Variants in RUNDC3B observed in about 807,000 individuals in gnomAD.
RUNDC3B encodes RUN domain-containing protein 3B.
Under a neutral mutation model 58.4 loss-of-function variants are expected in RUNDC3B, and 33 were observed. The ratio of observed to expected loss-of-function variants is 0.56; its 90% CI spans 0.43 to 0.75. The LOEUF is 0.75. Ranked by LOEUF, RUNDC3B falls within the 30% of genes least tolerant of loss-of-function variation. The pLI, the probability that RUNDC3B is intolerant of heterozygous loss-of-function variation, is 0.00. For synonymous variants in RUNDC3B, 193 were observed against 195.2 expected (o/e 0.99, Z 0.10); for missense variants, 501 against 535.7 (o/e 0.94, Z 0.64).
intron 2 of RUNDC3B, among the ~76,000 whole-genome samples, chr7:87,655,818 G>C (rs73705295): frequency 0.013 from 2,021 of 152,204 alleles, 50 homozygotes; most frequent in African/African-American, 0.046. Context: ...GGGAAGTGGG[G>C]CTTTTTGGGA....
rs778997280 is a variant in RUNDC3B at position 87,816,220 on chromosome 7, G to A, written c.1183G>A (p.Glu395Lys). 1 of 1,611,812 alleles carries A rather than the reference G, an allele frequency of 6.2e-7. No homozygotes were observed. Among genetic ancestry groups the A allele is most frequent in the Non-Finnish European group, 8.5e-7 (1 of 1,178,200 alleles). ...TTCACTAGATCCAGGCCAGTCACAA[G>A]AAGGAGATGGAAAACAAGACACATT... ...QTSLDPGQSQ[E>K]GDGKQDTLNV... The change falls in exon 10 of 11, where the codon GAA (glutamate) becomes AAA (lysine). Residue 395 changes from glutamate (E) to lysine (K), a missense_variant. By Grantham distance (56) the Glu-to-Lys change is moderately conservative. Transcript: ENST00000394654.
intron 7 of RUNDC3B, among the ~76,000 whole-genome samples, chr7:87,775,402 A>C (rs1178650894): frequency 6.6e-6 from 1 of 152,270 alleles, no homozygotes; most frequent in Admixed American, 6.5e-5. Flanking sequence ...GTATGTTTTA[A>C]ACTGTTATTA....
chr7:87,752,066 TGA>T (rs1405799887), intron 6 of RUNDC3B, among the ~76,000 whole-genome samples: 2 of 152,242 alleles, frequency 1.3e-5, no homozygotes, highest in Non-Finnish European at 2.9e-5. Flanking sequence ...CCTAATTTAT[TGA>T]GAGTTTTTAG....
At chr7:87,792,075 T>C (rs1179514919) in intron 8 of RUNDC3B, among the ~76,000 whole-genome samples, 1 of 152,118 alleles carries the variant, frequency 6.6e-6, no homozygotes. Context: ...GCTATACTTA[T>C]ATCAGACAAA....
At chr7:87,710,867 G>T (rs1242885256) in intron 4 of RUNDC3B, among the ~76,000 whole-genome samples, 1 of 151,940 alleles carries the variant, frequency 6.6e-6, no homozygotes, top group Non-Finnish European at 1.5e-5. Context: ...TACACATTAC[G>T]CCTGGAATAT....
intron 8 of RUNDC3B, among the ~76,000 whole-genome samples, chr7:87,796,685 G>C (rs946769160): frequency 2.6e-5 from 4 of 152,176 alleles, no homozygotes; most frequent in African/African-American, 9.6e-5. Context: ...TGTCAACCAT[G>C]TTTCATATAG....
At chr7:87,672,305 C>G (rs1825902006) in intron 2 of RUNDC3B, among the ~76,000 whole-genome samples, 1 of 152,206 alleles carries the variant, frequency 6.6e-6, no homozygotes, top group Non-Finnish European at 1.5e-5. Context: ...GGGATCCTTT[C>G]CACCTCTGGT....
chr7:87,743,234 G>T (rs1302343081), intron 6 of RUNDC3B, among the ~76,000 whole-genome samples: 1 of 152,156 alleles, frequency 6.6e-6, no homozygotes, highest in Non-Finnish European at 1.5e-5. Flanking sequence ...CATTTGGGTT[G>T]GTTCCACGAT....
intron 4 of RUNDC3B, among the ~76,000 whole-genome samples, chr7:87,729,915 C>T (rs1831478134): frequency 2.0e-5 from 3 of 152,156 alleles, no homozygotes; most frequent in Admixed American, 2.0e-4. Flanking sequence ...GTATCAGGAA[C>T]AGTCTTTGAG....
At chr7:87,639,195 A>G (rs971086694) in intron 1 of RUNDC3B, among the ~76,000 whole-genome samples, 2 of 151,972 alleles carry the variant, frequency 1.3e-5, no homozygotes, top group African/African-American at 4.8e-5. Flanking sequence ...CTAACTTTCA[A>G]ACAGTTGAAG....
chr7:87,768,400 C>A (rs1373443331), intron 6 of RUNDC3B, among the ~76,000 whole-genome samples: 1 of 152,192 alleles, frequency 6.6e-6, no homozygotes, highest in Non-Finnish European at 1.5e-5. Context: ...TCAGAGAAGA[C>A]TCTGAGAAAT....
chr7:87,725,315 G>A (rs1016215670), intron 4 of RUNDC3B, among the ~76,000 whole-genome samples: 5 of 151,992 alleles, frequency 3.3e-5, no homozygotes, highest in Admixed American at 6.6e-5. Context: ...TGTTCAATTC[G>A]CACCTATAAG....
chr7:87,735,500 A>G (rs1831872583), intron 4 of RUNDC3B, among the ~76,000 whole-genome samples: 1 of 152,178 alleles, frequency 6.6e-6, no homozygotes, highest in Non-Finnish European at 1.5e-5. Context: ...TGGCTGTCAC[A>G]TTTCCTGGAG....
intron 2 of RUNDC3B, among the ~76,000 whole-genome samples, chr7:87,669,199 T>A (rs1563118698): frequency 6.6e-6 from 1 of 152,112 alleles, no homozygotes; most frequent in South Asian, 2.1e-4. Flanking sequence ...TTTAGGTTTT[T>A]TTGTTGAATT....
chr7:87,818,011 C>T (rs1837167340), intron 10 of RUNDC3B, among the ~76,000 whole-genome samples: 1 of 152,128 alleles, frequency 6.6e-6, no homozygotes, highest in South Asian at 2.1e-4. Context: ...GAAATGTTCT[C>T]AAAGGGCCTT....
chr7:87,683,592 C>G (rs1827152212), intron 2 of RUNDC3B, among the ~76,000 whole-genome samples: 1 of 152,160 alleles, frequency 6.6e-6, no homozygotes, highest in African/African-American at 2.4e-5. Context: ...GCATTCAGAA[C>G]ACACACATTT....
intron 4 of RUNDC3B, among the ~76,000 whole-genome samples, chr7:87,732,229 T>C (rs1443644746): frequency 2.0e-5 from 3 of 152,010 alleles, no homozygotes; most frequent in Non-Finnish European, 2.9e-5. Flanking sequence ...AAACACAACA[T>C]ATCAAAACCT....
chr7:87,761,659 A>C (rs1391329145), intron 6 of RUNDC3B, among the ~76,000 whole-genome samples: 1 of 151,944 alleles, frequency 6.6e-6, no homozygotes, highest in Non-Finnish European at 1.5e-5. Flanking sequence ...AAGCGTTGAT[A>C]CCTACCACAA....
chr7:87,810,703 A>G (rs996688565), intron 9 of RUNDC3B, among the ~76,000 whole-genome samples: 1 of 152,188 alleles, frequency 6.6e-6, no homozygotes, highest in Non-Finnish European at 1.5e-5. Context: ...TTTATAAAAT[A>G]TAATTTCGTT....
Sources: allele counts gnomAD v4.1 joint callset (sites outside exome capture counted in the v4.1 genomes callset), GRCh38; gene constraint gnomAD v4.1.1; transcripts MANE v1.5; gene names NCBI Gene and HGNC (gene_info 2026-07-23, HGNC 2026-07-21).